CAMK4: variants seen among roughly 807,000 people sequenced by gnomAD.
The protein encoded by CAMK4 is calcium/calmodulin dependent protein kinase IV.
Under a neutral mutation model 44.9 loss-of-function variants are expected in CAMK4, and 22 were observed. The observed-to-expected ratio is 0.49, with a 90% confidence interval of 0.35 to 0.70. The LOEUF is 0.70. CAMK4 is among the 30% of genes least tolerant of loss of function. The pLI, the probability that CAMK4 is intolerant of heterozygous loss-of-function variation, is 0.01. For synonymous variants in CAMK4, 218 were observed against 215.4 expected, an observed-to-expected ratio of 1.01 and a Z score of -0.11; for missense variants, 498 against 586.8, an observed-to-expected ratio of 0.85 and a Z score of 1.56.
chr5:111,397,563 C>T lies in CAMK4; in HGVS notation c.459+2781C>T, dbSNP rs1197843901. Among the ~76,000 whole-genome samples, 4 of 151,950 alleles carry T rather than the reference C, an allele frequency of 2.6e-5. No individual in the cohort carries two copies. The South Asian group carries it at 8.3e-4, about 32-fold the overall frequency. ...CATGTACTTTTCTATTCATATATTA[C>T]ACCAATAGAAAGTTTAAAAAGGAAT... On this transcript the variant is annotated intron_variant, in intron 5 of 10. Transcript: ENST00000282356.
intron 1 of CAMK4, among the ~76,000 whole-genome samples, chr5:111,339,505 C>A (rs1040528436): frequency 6.6e-6 from 1 of 151,190 alleles, no homozygotes; most frequent in African/African-American, 2.4e-5. Context: ...ATTATGTGTT[C>A]TTGGCATCTT....
chr5:111,435,930 A>C (rs1004387085), intron 5 of CAMK4, among the ~76,000 whole-genome samples: 4 of 152,202 alleles, frequency 2.6e-5, no homozygotes, highest in Admixed American at 2.6e-4. Flanking sequence ...ATATACAAAT[A>C]AATATTATAT....
At chr5:111,240,315 A>G (rs1340827383) in intron 1 of CAMK4, among the ~76,000 whole-genome samples, 1 of 152,098 alleles carries the variant, frequency 6.6e-6, no homozygotes, top group East Asian at 1.9e-4. Context: ...CTAAAAAAAA[A>G]AAAACCCATA....
At chr5:111,269,834 A>C (rs1251278853) in intron 1 of CAMK4, 2 of 152,254 alleles carry the variant, frequency 1.3e-5, no homozygotes, top group East Asian at 1.9e-4. Flanking sequence ...CATGTAAAGC[A>C]CTTCCTCAGC....
intron 5 of CAMK4, among the ~76,000 whole-genome samples, chr5:111,417,210 G>A (rs1752844575): frequency 6.8e-6 from 1 of 147,320 alleles, no homozygotes; most frequent in Non-Finnish European, 1.5e-5. Flanking sequence ...ATAGGCATGT[G>A]CCATCACACC....
In CAMK4 at chr5:111,432,976, T is replaced by A. The variant is rs562961250; in HGVS notation, c.460-13710T>A. Among the ~76,000 whole-genome samples, 3 of 152,290 alleles carry A rather than the reference T, an allele frequency of 2.0e-5. No individual in the cohort carries two copies. In the East Asian group the frequency reaches 5.8e-4, roughly 29 times the overall value. Reference sequence around the variant, plus strand: ...ACTTTGATAGGCAAGCACACAAATATGATGACAGCATTAAAATATTTGACT... The same window carrying A: ...ACTTTGATAGGCAAGCACACAAATAAGATGACAGCATTAAAATATTTGACT... On this transcript the variant is annotated intron_variant, in intron 5 of 10. Transcript: ENST00000282356.
Position 111,409,778 on chromosome 5 carries a change from G to A in CAMK4, c.459+14996G>A, listed in dbSNP as rs372495621. Among the ~76,000 whole-genome samples the A allele has an allele frequency of 1.6e-4, 25 of 152,256 alleles. No individual in the cohort carries two copies. The East Asian group carries it at 4.8e-3, about 29-fold the overall frequency. ...GTTCAAGGTTCCACATATCTCTAGG[G>A]CAGGGGCAAAATGCTGCCAGTCTCT... On this transcript the variant is annotated intron_variant, in intron 5 of 10. Transcript: ENST00000282356.
rs1755896804 is a variant in CAMK4 at position 111,492,735 on chromosome 5, C to T, written c.*8269C>T. ...ACTTTCACTGAGAAACTATTATATG[C>T]CATGGAGGAGTCAAAGATGAATTAA... On this transcript the variant is annotated 3_prime_UTR_variant, in exon 11 of 11. Transcript: ENST00000282356. The T allele has an allele frequency of 6.6e-6, 1 of 152,134 alleles. No individual in the cohort carries two copies. The highest frequency in any genetic ancestry group is 2.1e-4 in the South Asian group (1 of 4,820). 9.4% of individuals were successfully genotyped at this position (152,134 alleles called of 1,614,324 possible). A position where few individuals can be genotyped will look rare whatever the true frequency, so the allele number is the denominator to read the frequency against.
chr5:111,383,105 A>G (rs958093526), intron 4 of CAMK4, among the ~76,000 whole-genome samples: 1 of 152,240 alleles, frequency 6.6e-6, no homozygotes, highest in Non-Finnish European at 1.5e-5. Context: ...TTTAAGCTGT[A>G]GGTCTAGGAA....
chr5:111,386,099 T>C (rs1385424471), intron 4 of CAMK4, among the ~76,000 whole-genome samples: 1 of 152,172 alleles, frequency 6.6e-6, no homozygotes, highest in Non-Finnish European at 1.5e-5. Flanking sequence ...TTTTGAAAAG[T>C]ATATGAACTT....
In CAMK4 at chr5:111,482,795, T is replaced by G; in HGVS notation, c.839T>G (p.Leu280Ter). Residue 280 changes from leucine (L) to a stop codon, truncating the protein, a stop_gained, in exon 10 of 11, where the codon TTA becomes TGA. Coordinates refer to ENST00000282356, the MANE Select transcript of CAMK4 (RefSeq NM_001744.6). LOFTEE classifies it high-confidence loss of function. The surrounding 1 kb of genome is among the most constrained non-coding windows in gnomAD (Gnocchi z 4.9). ...TCTTTATTATTTCAGGTCAGAAAAT[T>G]AATTGTTTTGGATCCAAAGAAACGG... ...SLNAKDLVRK[L>*]IVLDPKKRLT... 1.9e-6 allele frequency: 3 copies of G among 1,605,928 alleles called. No individual in the cohort carries two copies. The highest frequency in any genetic ancestry group is 2.5e-6 in the Non-Finnish European group (3 of 1,177,820).
chr5:111,231,503 A>G (rs1748475741), intron 1 of CAMK4, among the ~76,000 whole-genome samples: 1 of 152,220 alleles, frequency 6.6e-6, no homozygotes, highest in African/African-American at 2.4e-5. Context: ...CCTCTTGAGA[A>G]TCATGTCTTG....
At chr5:111,393,672 A>T (rs1751891531) in intron 4 of CAMK4, among the ~76,000 whole-genome samples, 1 of 152,134 alleles carries the variant, frequency 6.6e-6, no homozygotes, top group Non-Finnish European at 1.5e-5. Context: ...TGATGAGAAT[A>T]CATGGACACA....
intron 1 of CAMK4, among the ~76,000 whole-genome samples, chr5:111,239,153 A>T (rs1021786679): frequency 3.3e-5 from 5 of 152,120 alleles, no homozygotes; most frequent in Non-Finnish European, 7.3e-5. Context: ...TCACACGATC[A>T]CTTTGGGGAC....
intron 1 of CAMK4, among the ~76,000 whole-genome samples, chr5:111,286,104 G>A (rs770343857): frequency 1.3e-5 from 2 of 152,164 alleles, no homozygotes; most frequent in African/African-American, 4.8e-5. Flanking sequence ...GAAAAATGGA[G>A]GTATGTAAAA....
intron 1 of CAMK4, among the ~76,000 whole-genome samples, chr5:111,253,522 G>T (rs1257235092): frequency 6.6e-6 from 1 of 152,142 alleles, no homozygotes; most frequent in Admixed American, 6.5e-5. Context: ...CATTTAAAAA[G>T]AAGCAGAAAG....
intron 5 of CAMK4, among the ~76,000 whole-genome samples, chr5:111,395,048 A>C (rs932796995): frequency 6.6e-6 from 1 of 151,924 alleles, no homozygotes; most frequent in Non-Finnish European, 1.5e-5. Context: ...ATATCTAATA[A>C]AAATAAAAAA....
Position 111,437,440 on chromosome 5 carries a change from G to A in CAMK4, c.460-9246G>A, listed in dbSNP as rs148271589. 3.6e-3 allele frequency among the ~76,000 whole-genome samples: 552 copies of A among 152,154 alleles called. 8 individuals are homozygous for A. Among genetic ancestry groups the A allele is most frequent in the African/African-American group, 0.013 (520 of 41,566 alleles). ...GAATGCATAGTTAGTGTTAGGCTCT[G>A]TGAAGGAAATGTAGTATCTGGGGAT... On this transcript the variant is annotated intron_variant, in intron 5 of 10. Coordinates refer to ENST00000282356, the MANE Select transcript of CAMK4 (RefSeq NM_001744.6).
rs562355655 is a variant in CAMK4 at position 111,439,740 on chromosome 5, C to T, written c.460-6946C>T. On this transcript the variant is annotated intron_variant, in intron 5 of 10. Transcript: ENST00000282356. ...ACTCAATTTGTGGTTTGGATGAGCT[C>T]ACCCTGGAAACACAGAAAAAGCAGA... Among the ~76,000 whole-genome samples the T allele has an allele frequency of 2.0e-5, 3 of 152,224 alleles. No individual in the cohort carries two copies. The East Asian group carries it at 5.8e-4, about 29-fold the overall frequency.
Sources: gnomAD v4.1 joint callset for allele counts (sites outside exome capture counted in the v4.1 genomes callset) on GRCh38, gnomAD v4.1.1 for gene constraint, Gnocchi (gnomAD v3.1) non-coding constraint, MANE v1.5 for transcripts, NCBI Gene and HGNC (gene_info 2026-07-23, HGNC 2026-07-21) for gene names.